TMEFF2: variants seen among roughly 807,000 people sequenced by gnomAD.
TMEFF2 encodes tomoregulin-2.
TMEFF2 carries 28 observed loss-of-function variants against 53.8 expected under a neutral mutation model. The observed-to-expected ratio is 0.52, with a 90% confidence interval of 0.39 to 0.71. The LOEUF is 0.71. TMEFF2 is among the 30% of genes least tolerant of loss of function. The pLI is 0.00. For missense variants in TMEFF2, 353 were observed against 455.2 expected, an observed-to-expected ratio of 0.78 and a Z score of 2.04; for synonymous variants, 162 against 166.3, an observed-to-expected ratio of 0.97 and a Z score of 0.20.
At chr2:192,108,022 T>C (rs1485525137) in intron 4 of TMEFF2, among the ~76,000 whole-genome samples, 1 of 151,800 alleles carries the variant, frequency 6.6e-6, no homozygotes, top group Non-Finnish European at 1.5e-5. Flanking sequence ...ACTAAATTTC[T>C]TTCTTTTGTT....
At chr2:192,151,641 T>A (rs1340087281) in intron 4 of TMEFF2, among the ~76,000 whole-genome samples, 1 of 151,850 alleles carries the variant, frequency 6.6e-6, no homozygotes, top group African/African-American at 2.4e-5. Context: ...AGACTAGAAG[T>A]GTAAACAGGA....
intron 5 of TMEFF2, among the ~76,000 whole-genome samples, chr2:192,021,580 A>G (rs957816959): frequency 2.6e-5 from 4 of 152,158 alleles, no homozygotes. Context: ...CTAGAACCAA[A>G]GTGGAAAGAA....
intron 4 of TMEFF2, among the ~76,000 whole-genome samples, chr2:192,164,978 C>CTGTGTGTGTG (rs71033662): frequency 0.052 from 7,559 of 145,130 alleles, 222 homozygotes; most frequent in African/African-American, 0.065. Flanking sequence ...TGAATAAAAA[C>CTGTGTGTGTG]TGTGTGTGTG....
chr2:192,061,304 C>T (rs1688037599), intron 4 of TMEFF2, among the ~76,000 whole-genome samples: 1 of 152,104 alleles, frequency 6.6e-6, no homozygotes, highest in Non-Finnish European at 1.5e-5. Flanking sequence ...CCATCAATAT[C>T]TGCTGGTTCC....
At chr2:192,000,989 C>T (rs1372309770) in intron 5 of TMEFF2, among the ~76,000 whole-genome samples, 2 of 152,172 alleles carry the variant, frequency 1.3e-5, no homozygotes, top group East Asian at 1.9e-4. Flanking sequence ...AACCTGAGAT[C>T]AGGAGCTGCC....
intron 5 of TMEFF2, among the ~76,000 whole-genome samples, chr2:192,055,069 T>C (rs965550312): frequency 6.6e-6 from 1 of 152,080 alleles, no homozygotes; most frequent in Non-Finnish European, 1.5e-5. Flanking sequence ...AAGAGACTCA[T>C]GTACATTTTT....
At chr2:191,981,897 G>C (rs1292647549) in intron 7 of TMEFF2, among the ~76,000 whole-genome samples, 2 of 152,110 alleles carry the variant, frequency 1.3e-5, no homozygotes, top group Admixed American at 6.5e-5. Flanking sequence ...GTAGGTCTTA[G>C]GTTGCTTTGT....
intron 4 of TMEFF2, among the ~76,000 whole-genome samples, chr2:192,096,449 T>A (rs1202487431): frequency 6.6e-6 from 1 of 152,150 alleles, no homozygotes; most frequent in Non-Finnish European, 1.5e-5. Context: ...ATTCCTTGCA[T>A]GACTGATTTT....
At chr2:192,030,569 T>A (rs1288947511) in intron 5 of TMEFF2, 1 of 152,010 alleles carries the variant, frequency 6.6e-6, no homozygotes, top group Non-Finnish European at 1.5e-5. Flanking sequence ...CTTTTATTGT[T>A]ATTTTGATTC....
At chr2:191,974,875 T>C (rs1015611020) in intron 7 of TMEFF2, among the ~76,000 whole-genome samples, 2 of 152,074 alleles carry the variant, frequency 1.3e-5, no homozygotes, top group African/African-American at 4.8e-5. Flanking sequence ...ATACCATCAA[T>C]TGGAAAGAAT....
chr2:191,950,351 C>G lies in TMEFF2; in HGVS notation c.1085G>C (p.Ser362Thr), dbSNP rs1448031388. 6.2e-7 allele frequency: 1 copy of G among 1,613,854 alleles called. No homozygotes were observed. Among genetic ancestry groups the G allele is most frequent in the Non-Finnish European group, 8.5e-7 (1 of 1,179,870 alleles). Residue 362 changes from serine (S) to threonine (T), a missense_variant, in exon 10 of 10, where the codon AGT becomes ACT. Physicochemically the swap from Ser to Thr is moderately conservative, Grantham distance 58. Around this residue, in one of 3 missense-constraint regions of TMEFF2, gnomAD observed 294 missense variants for 397.3 expected, o/e 0.74. Coordinates refer to ENST00000272771, the MANE Select transcript of TMEFF2 (RefSeq NM_016192.4). ...GGACGCTCTTGTTGTATTGTCTGAA[C>G]TGTAGTGCCCTGTATTTTGCTTCTG... ...HRQKQNTGHY[S>T]SDNTTRASTR...
rs140372391 is a variant in TMEFF2, at chr2:192,120,976, C to T, written c.439+58692G>A. On this transcript the variant is annotated intron_variant, in intron 4 of 9. Coordinates refer to ENST00000272771, the MANE Select transcript of TMEFF2 (RefSeq NM_016192.4). ...GTCTGGAACTTCTGACCTTGTGATC[C>T]GCCTGCCTCAGCCTCCCAAAGTGCT... 6.7e-3 allele frequency among the ~76,000 whole-genome samples: 1,017 copies of T among 152,038 alleles called. 12 individuals are homozygous for T. The highest frequency in any genetic ancestry group is 0.022 in the African/African-American group (908 of 41,468).
At chr2:192,189,817 C>G (rs917625020) in intron 2 of TMEFF2, among the ~76,000 whole-genome samples, 33 of 152,058 alleles carry the variant, frequency 2.2e-4, no homozygotes, top group African/African-American at 7.2e-4. Flanking sequence ...TTCAGCCACT[C>G]TATATTCTTG....
At chr2:192,036,374 T>C (rs1200201406) in intron 5 of TMEFF2, 3 of 152,182 alleles carry the variant, frequency 2.0e-5, no homozygotes, top group African/African-American at 7.2e-5. Context: ...ATGTAAGATA[T>C]GTTTTTCTTT....
intron 2 of TMEFF2, among the ~76,000 whole-genome samples, chr2:192,189,532 A>T (rs905078103): frequency 3.6e-5 from 5 of 137,268 alleles, no homozygotes; most frequent in Admixed American, 3.3e-4. Context: ...GTGGCAGAGC[A>T]AGACCCTTGT....
At chr2:192,042,898 C>G (rs923087539) in intron 5 of TMEFF2, among the ~76,000 whole-genome samples, 1 of 152,144 alleles carries the variant, frequency 6.6e-6, no homozygotes, top group African/African-American at 2.4e-5. Flanking sequence ...ACCTTCTACC[C>G]ATATTGTTAG....
chr2:192,117,782 ATCACT>A (rs976596448), intron 4 of TMEFF2, among the ~76,000 whole-genome samples: 7 of 151,868 alleles, frequency 4.6e-5, no homozygotes, highest in African/African-American at 1.7e-4. Context: ...ACTTTGTAAC[ATCACT>A]TCAGCCTCTG....
At chr2:192,167,911 C>T (rs1267054442) in intron 4 of TMEFF2, among the ~76,000 whole-genome samples, 3 of 152,142 alleles carry the variant, frequency 2.0e-5, no homozygotes, top group Admixed American at 2.0e-4. Flanking sequence ...GTATTCCTAG[C>T]AGTTCACATC....
chr2:192,188,073 G>C (rs924606025), intron 2 of TMEFF2, among the ~76,000 whole-genome samples: 35 of 152,062 alleles, frequency 2.3e-4, no homozygotes, highest in African/African-American at 8.4e-4. Flanking sequence ...CTTGGGATAT[G>C]GTATATTTTT....
Sources: allele counts gnomAD v4.1 joint callset (sites outside exome capture counted in the v4.1 genomes callset), GRCh38; gene constraint gnomAD v4.1.1; regional missense constraint gnomAD v4.1.1; transcripts MANE v1.5; gene names NCBI Gene and HGNC (gene_info 2026-07-23, HGNC 2026-07-21).